Variants in MGST3 observed in about 807,000 individuals in gnomAD.
MGST3 encodes the protein glutathione S-transferase 3, mitochondrial.
In MGST3, 13 loss-of-function variants were observed where a neutral mutation model predicts 15.8. That is an observed-to-expected ratio of 0.82 (90% confidence interval 0.54 to 1.31). The LOEUF (loss-of-function observed/expected upper bound fraction) is 1.31, where lower values mean the gene tolerates loss of function less well. Among genes scored for constraint, MGST3 ranks in the 50% most tolerant of loss-of-function variants. MGST3 has a pLI of 0.00. For synonymous variants in MGST3, 49 were observed against 68.1 expected (o/e 0.72, Z 1.38); for missense variants, 155 against 192.4 (o/e 0.81, Z 1.15).
At chr1:165,637,871 G>A (rs1312142364) in intron 1 of MGST3, among the ~76,000 whole-genome samples, 4 of 152,174 alleles carry the variant, frequency 2.6e-5, no homozygotes, top group Non-Finnish European at 5.9e-5. Context: ...GCAAATGTGT[G>A]TGTTGTAGCT....
chr1:165,650,936 G>C, intron 2 of MGST3, 78 bp from the exon 3 acceptor site: 1 of 1,235,780 alleles, frequency 8.1e-7, no homozygotes, highest in South Asian at 1.2e-5. Flanking sequence ...GGAATATATT[G>C]TTTTTAAGGT....
Position 165,656,036 on chromosome 1 carries a change from G to A in MGST3, c.*532G>A, listed in dbSNP as rs9333490. 41,449 of 171,148 alleles carry A rather than the reference G, an allele frequency of 0.24. 6,934 individuals carry two copies. The highest frequency in any genetic ancestry group is 0.81 in the East Asian group (4,853 of 5,958). 10.6% of individuals were successfully genotyped at this position (171,148 alleles called of 1,614,324 possible). A position where few individuals can be genotyped will look rare whatever the true frequency, so the allele number is the denominator to read the frequency against. On this transcript the variant is annotated 3_prime_UTR_variant, in exon 6 of 6. Transcript: ENST00000367889. ...GGTGGGAGGATCACTTGAGCCCAGG[G>A]TGTCAAGGCTGCAGTGAGTTATGAT...
intron 4 of MGST3, 61 bp from the exon 5 acceptor site, chr1:165,654,218 G>T (rs777052850): frequency 3.4e-6 from 5 of 1,491,642 alleles, no homozygotes; most frequent in Admixed American, 1.7e-5. Flanking sequence ...TCAACCCTAG[G>T]TGTTAAAAAA....
chr1:165,642,557 AGTCAG>A (rs1648288422), intron 1 of MGST3, among the ~76,000 whole-genome samples: 1 of 152,212 alleles, frequency 6.6e-6, no homozygotes, highest in African/African-American at 2.4e-5. Context: ...ATCCCCGTTG[AGTCAG>A]GTCAAGGACA....
rs555248248 is a variant in MGST3, at chr1:165,642,395, T to C, written c.-7-7446T>C. 9.8e-5 allele frequency among the ~76,000 whole-genome samples: 15 copies of C among 152,346 alleles called. No homozygotes were observed. In the South Asian group the frequency reaches 3.1e-3, roughly 32 times the overall value. ...TGCTAAAATCCTGCTTCCTTCTGGC[T>C]GCTTCTGCCTTTCACATGATAGCAT... On this transcript the variant is annotated intron_variant, in intron 1 of 5. Transcript: ENST00000367889.
At chr1:165,652,114 C>A in intron 4 of MGST3, 79 bp downstream of exon 4, 2 of 1,018,762 alleles carry the variant, frequency 2.0e-6, no homozygotes, top group Non-Finnish European at 3.1e-6. Context: ...AGGAAATAAA[C>A]ATTTAATGAA....
chr1:165,634,770 T>TCTCCCTCCCTCTTCCTCC (rs1648058833), intron 1 of MGST3, among the ~76,000 whole-genome samples: 1 of 24,746 alleles, frequency 4.0e-5, no homozygotes, highest in Non-Finnish European at 6.6e-5. Context: ...CCTCCCTCTC[T>TCTCCCTCCCTCTTCCTCC]CTCCCTCCCT....
At chr1:165,651,326 A>C in intron 3 of MGST3, 2 of 562,984 alleles carry the variant, frequency 3.6e-6, no homozygotes, top group Non-Finnish European at 6.4e-6. Flanking sequence ...TCATGGTTGC[A>C]TTACCTACTA....
chr1:165,642,744 T>C (rs61800372), intron 1 of MGST3, among the ~76,000 whole-genome samples: 42,102 of 152,078 alleles, frequency 0.28, 6,989 homozygotes, highest in African/African-American at 0.46. Context: ...GAAACTGAGG[T>C]GCTGAAAGGT....
At chr1:165,644,944 A>G (rs1344545668) in intron 1 of MGST3, among the ~76,000 whole-genome samples, 1 of 152,058 alleles carries the variant, frequency 6.6e-6, no homozygotes, top group East Asian at 1.9e-4. Flanking sequence ...TATTTTTAGT[A>G]GAAACAGGGT....
At chr1:165,651,248 GAC>G in intron 3 of MGST3, 161 bp downstream of exon 3, 1 of 684,748 alleles carries the variant, frequency 1.5e-6, no homozygotes, top group Non-Finnish European at 2.7e-6. Context: ...TGAACACATT[GAC>G]TATTAAGCAA....
intron 1 of MGST3, among the ~76,000 whole-genome samples, chr1:165,645,287 C>A (rs7521640): frequency 0.14 from 20,546 of 151,882 alleles, 1,567 homozygotes; most frequent in Non-Finnish European, 0.16. Flanking sequence ...AATTAAGACA[C>A]AAACACACAC....
chr1:165,649,888 C>T lies in MGST3; in HGVS notation c.41C>T (p.Thr14Ile). The stretch of plus-strand genomic sequence containing the variant: ...AAGGAATATGGTTTTGTGCTTCTAA[C>T]TGGTGCTGCCAGCTTTATAATGGTG... ...LSKEYGFVLL[T>I]GAASFIMVAH... Residue 14 changes from threonine (T) to isoleucine (I), a missense_variant, in exon 2 of 6, where the codon ACT becomes ATT. Coordinates refer to ENST00000367889, the MANE Select transcript of MGST3 (RefSeq NM_004528.4). The T allele has an allele frequency of 6.2e-7, 1 of 1,614,212 alleles. No homozygotes were observed. The highest frequency in any genetic ancestry group is 1.1e-5 in the South Asian group (1 of 91,092).
intron 1 of MGST3, among the ~76,000 whole-genome samples, chr1:165,640,234 C>T (rs1234125441): frequency 2.0e-5 from 3 of 151,890 alleles, no homozygotes; most frequent in Non-Finnish European, 2.9e-5. Context: ...TTTGTTGTCT[C>T]GAACCTCTGT....
chr1:165,637,873 G>C (rs1219200525), intron 1 of MGST3, among the ~76,000 whole-genome samples: 1 of 152,164 alleles, frequency 6.6e-6, no homozygotes, highest in Non-Finnish European at 1.5e-5. Flanking sequence ...AAATGTGTGT[G>C]TTGTAGCTTA....
At chr1:165,650,832 T>C in intron 2 of MGST3, 182 bp from the exon 3 acceptor site, 1 of 632,856 alleles carries the variant, frequency 1.6e-6, no homozygotes, top group Middle Eastern at 4.0e-4. Context: ...ATAGAAACAT[T>C]GACTCTGCTT....
At chr1:165,649,520 CT>C in intron 1 of MGST3, 1 of 272,180 alleles carries the variant, frequency 3.7e-6, no homozygotes, top group Non-Finnish European at 7.1e-6. Flanking sequence ...TTTTTGTTGG[CT>C]ATATTATTCT....
At chr1:165,651,557 T>C in intron 3 of MGST3, 1 of 298,232 alleles carries the variant, frequency 3.4e-6, no homozygotes, top group Non-Finnish European at 6.4e-6. Context: ...CTCCCTGCGG[T>C]GAATGTTTAT....
chr1:165,638,037 A>G (rs1393230389), intron 1 of MGST3, among the ~76,000 whole-genome samples: 1 of 151,746 alleles, frequency 6.6e-6, no homozygotes, highest in African/African-American at 2.4e-5. Flanking sequence ...CTTTTCTGCT[A>G]CCCCCCACGT....
Sources: allele counts gnomAD v4.1 joint callset (sites outside exome capture counted in the v4.1 genomes callset), GRCh38; gene constraint gnomAD v4.1.1; transcripts MANE v1.5; gene names NCBI Gene and HGNC (gene_info 2026-07-23, HGNC 2026-07-21).